Variants in LRRD1 observed in about 807,000 individuals in gnomAD.
The protein encoded by LRRD1 is leucine-rich repeat and death domain-containing protein 1.
Under a neutral mutation model 69.5 loss-of-function variants are expected in LRRD1, and 49 were observed. The observed-to-expected ratio is 0.70, with a 90% CI of 0.56 to 0.89. The LOEUF (loss-of-function observed/expected upper bound fraction) is 0.89, where lower values mean the gene tolerates loss of function less well. LRRD1 is among the 40% of genes least tolerant of loss of function. The probability of loss-of-function intolerance (pLI) is 0.00; values close to 1 mark genes in which losing one functional copy is unlikely to be tolerated. For missense variants in LRRD1, 853 were observed against 956.0 expected (o/e 0.89, Z 1.42); for synonymous variants, 303 against 338.9 (o/e 0.89, Z 1.16).
At chr7:92,174,391 T>G (rs1347820043) in intron 1 of LRRD1, among the ~76,000 whole-genome samples, 1 of 147,700 alleles carries the variant, frequency 6.8e-6, no homozygotes, top group Non-Finnish European at 1.5e-5. Flanking sequence ...TTCACTGATT[T>G]GATCTTTACA....
chr7:92,143,475 G>T (rs1028633827), downstream of LRRD1, among the ~76,000 whole-genome samples: 1 of 152,178 alleles, frequency 6.6e-6, no homozygotes, highest in African/African-American at 2.4e-5. Context: ...AGTGGGGGAG[G>T]CTCGGGCATG....
intron 3 of LRRD1, among the ~76,000 whole-genome samples, chr7:92,156,644 G>T (rs1429068742): frequency 6.6e-6 from 1 of 152,078 alleles, no homozygotes; most frequent in African/African-American, 2.4e-5. Flanking sequence ...CTCTGTATAC[G>T]GCAATCTTGC....
intron 1 of LRRD1, among the ~76,000 whole-genome samples, chr7:92,168,948 T>G (rs1412664847): frequency 1.3e-5 from 2 of 152,178 alleles, no homozygotes; most frequent in Non-Finnish European, 2.9e-5. Context: ...TGAGACAGTC[T>G]TGCTTTATCA....
chr7:92,149,503 C>T (rs1820413102), intron 4 of LRRD1, among the ~76,000 whole-genome samples: 1 of 152,156 alleles, frequency 6.6e-6, no homozygotes, highest in Non-Finnish European at 1.5e-5. Flanking sequence ...AGATTCCCTC[C>T]CAGACACTTG....
downstream of LRRD1, among the ~76,000 whole-genome samples, chr7:92,143,520 AGGCAGCTAAGGCCC>A (rs1306909499): frequency 2.4e-4 from 36 of 152,286 alleles, no homozygotes; most frequent in African/African-American, 7.9e-4. Context: ...CCCCGCGGGA[AGGCAGCTAAGGCCC>A]GGCGAGAAAT....
At position 92,167,824 on chromosome 7, in the gene LRRD1, C is replaced by G. The variant is rs1263335495; in HGVS notation, c.-74-2548G>C. On this transcript the variant is annotated intron_variant, in intron 1 of 5. Transcript: ENST00000458448. Reference sequence around the variant, plus strand: ...CCCGGGAGGCGGAGCTTGCAGTGAACCGAGATGGCGCCATTGCACTCCAGC... The same window carrying G: ...CCCGGGAGGCGGAGCTTGCAGTGAAGCGAGATGGCGCCATTGCACTCCAGC... Among the ~76,000 whole-genome samples, 5 of 122,956 alleles carry G rather than the reference C, an allele frequency of 4.1e-5. No homozygotes were observed. The East Asian group carries it at 1.2e-3, about 29-fold the overall frequency. The allele number at this position is 122,956 out of a possible 152,430, so 80.7% of individuals were successfully genotyped here.
chr7:92,165,160 T>C lies in LRRD1; in HGVS notation c.43A>G (p.Ile15Val). 1 of 1,547,000 alleles carries C rather than the reference T, an allele frequency of 6.5e-7. No homozygotes were observed. Among genetic ancestry groups the C allele is most frequent in the Non-Finnish European group, 8.7e-7 (1 of 1,144,980 alleles). The change falls in exon 2 of 6, where the codon ATT (isoleucine) becomes GTT (valine). Residue 15 changes from isoleucine (I) to valine (V), a missense_variant. By Grantham distance (29) the Ile-to-Val change is conservative (BLOSUM62 3). Coordinates refer to ENST00000458448, the MANE Select transcript of LRRD1 (RefSeq NM_001161528.2). ...EGMSEVLEDT[I>V]SQFRKESRSQ... ...CTAGATTCTTTCCTAAATTGACTAA[T>C]AGTATCCTCTAGCACTTCTGACATA...
chr7:92,146,691 C>T (rs560863799), intron 4 of LRRD1, among the ~76,000 whole-genome samples: 393 of 150,910 alleles, frequency 2.6e-3, no homozygotes, highest in African/African-American at 8.1e-3. Flanking sequence ...GAGGCCAAGG[C>T]GGGTGGATCA....
chr7:92,163,256 C>A, intron 2 of LRRD1, 30 bp downstream of exon 2: 2 of 1,329,296 alleles, frequency 1.5e-6, no homozygotes, highest in South Asian at 2.0e-5. Flanking sequence ...TCTCTCCTTC[C>A]CCACAAAGCC....
chr7:92,169,853 T>TGAACCCGG (rs1789010336), intron 1 of LRRD1, among the ~76,000 whole-genome samples: 1 of 151,518 alleles, frequency 6.6e-6, no homozygotes, highest in Non-Finnish European at 1.5e-5. Flanking sequence ...GAGGATTGCT[T>TGAACCCGG]GAGGCCAGGA....
At chr7:92,173,322 A>G (rs189586677) in intron 1 of LRRD1, among the ~76,000 whole-genome samples, 1 of 152,238 alleles carries the variant, frequency 6.6e-6, no homozygotes, top group Non-Finnish European at 1.5e-5. Flanking sequence ...AAGTACAGGC[A>G]ACAAAAGCAA....
rs184708963 is a variant in LRRD1, at chr7:92,158,989, T to C, written c.2116+16A>G. On this transcript the variant is annotated intron_variant, in intron 3 of 5. Coordinates refer to ENST00000458448, the MANE Select transcript of LRRD1 (RefSeq NM_001161528.2). Reference sequence around the variant, plus strand: ...CTACTTATTGATTATGCTTACTGATTATGCTTGACACTCACCACTCAGGTT... The same window carrying C: ...CTACTTATTGATTATGCTTACTGATCATGCTTGACACTCACCACTCAGGTT... 9.4e-5 allele frequency: 143 copies of C among 1,522,566 alleles called. No homozygotes were observed. In the African/African-American group the frequency reaches 1.7e-3, roughly 19 times the overall value. 94.3% of individuals were successfully genotyped at this position (1,522,566 alleles called of 1,614,324 possible).
rs1053221684 is a variant in LRRD1 at position 92,163,982 on chromosome 7, T to A, written c.1221A>T (p.Leu407Phe). The A allele has an allele frequency of 6.5e-7, 1 of 1,530,094 alleles. No individual in the cohort carries two copies. The highest frequency in any genetic ancestry group is 8.8e-7 in the Non-Finnish European group (1 of 1,139,936). 94.8% of individuals were successfully genotyped at this position (1,530,094 alleles called of 1,614,324 possible). The change falls in exon 2 of 6, where the codon TTA becomes TTT. Residue 407 changes from leucine to phenylalanine, a missense_variant. Physicochemically the swap from Leu to Phe is conservative, Grantham distance 22. Around this residue, in one of 3 missense-constraint regions of LRRD1, gnomAD observed 739 missense variants for 808.0 expected, o/e 0.91. Transcript: ENST00000458448. ...LECLSLSDNK[L>F]TELPKYIHKL... Reference sequence around the variant, plus strand: ...TATGGATGTACTTAGGGAGTTCTGTTAATTTATTATCACTAAGACTAAGGC... The same window carrying A: ...TATGGATGTACTTAGGGAGTTCTGTAAATTTATTATCACTAAGACTAAGGC...
chr7:92,149,615 C>T (rs760631659), intron 4 of LRRD1, among the ~76,000 whole-genome samples: 2 of 152,178 alleles, frequency 1.3e-5, no homozygotes, highest in Non-Finnish European at 2.9e-5. Context: ...TAAAGACTAT[C>T]AAAATATTTC....
downstream of LRRD1, chr7:92,142,228 C>G (rs539371528): frequency 9.9e-5 from 31 of 314,202 alleles, no homozygotes; most frequent in African/African-American, 6.5e-4. Context: ...AGGCATGAGC[C>G]ACCCTGCCCG....
In LRRD1 at chr7:92,164,319, A is replaced by T. The variant is rs1370312150; in HGVS notation, c.884T>A (p.Phe295Tyr). Reference protein sequence around the residue: ...LNLEYNQLTTFPKALCFLPKL... With the variant: ...LNLEYNQLTTYPKALCFLPKL... ...TGGAAGGAAGCAGAGAGCTTTAGGA[A>T]ATGTTGTTAACTGATTATATTCCAA... Residue 295 changes from phenylalanine to tyrosine, a missense_variant, in exon 2 of 6, where the codon TTT becomes TAT. Phe to Tyr is a conservative substitution (Grantham distance 22). This residue lies in a region of LRRD1 where 739 missense variants were observed against 808.0 expected (regional missense o/e 0.91). Coordinates refer to ENST00000458448, the MANE Select transcript of LRRD1 (RefSeq NM_001161528.2). The T allele has an allele frequency of 1.9e-6, 3 of 1,550,858 alleles. No homozygotes were observed. The African/African-American group carries it at 4.1e-5, about 21-fold the overall frequency.
At chr7:92,176,058 T>C (rs914270735) in intron 1 of LRRD1, among the ~76,000 whole-genome samples, 4 of 152,224 alleles carry the variant, frequency 2.6e-5, no homozygotes, top group African/African-American at 7.2e-5. Flanking sequence ...TTAAAAACTA[T>C]GGTGGTTATT....
chr7:92,148,125 G>A (rs1820375408), intron 4 of LRRD1, among the ~76,000 whole-genome samples: 1 of 152,178 alleles, frequency 6.6e-6, no homozygotes, highest in African/African-American at 2.4e-5. Flanking sequence ...ATTTTTAGTA[G>A]AGATGGGTTT....
chr7:92,176,587 A>G (rs563893313), intron 1 of LRRD1, among the ~76,000 whole-genome samples: 6 of 150,614 alleles, frequency 4.0e-5, no homozygotes, highest in Admixed American at 1.3e-4. Context: ...TTTTTGAGAC[A>G]AAGTCTTGCT....
Sources: allele counts gnomAD v4.1 joint callset (sites outside exome capture counted in the v4.1 genomes callset), GRCh38; gene constraint gnomAD v4.1.1; regional missense constraint gnomAD v4.1.1; transcripts MANE v1.5; gene names NCBI Gene and HGNC (gene_info 2026-07-23, HGNC 2026-07-21).